GPC3: variants seen among roughly 807,000 people sequenced by gnomAD.
The protein encoded by GPC3 is glypican-3.
A neutral mutation model predicts 34.4 loss-of-function variants in GPC3; 3 were observed. The observed-to-expected ratio is 0.09, with a 90% confidence interval of 0.04 to 0.23. The LOEUF (loss-of-function observed/expected upper bound fraction) is 0.23. Among genes scored for constraint, GPC3 ranks in the 10% least tolerant of loss-of-function variants. The pLI, the probability that GPC3 is intolerant of heterozygous loss-of-function variation, is 1.00. For missense variants in GPC3, 351 were observed against 445.6 expected, an observed-to-expected ratio of 0.79 and a Z score of 1.91; for synonymous variants, 177 against 174.0, an observed-to-expected ratio of 1.02 and a Z score of -0.13.
chrX:133,643,269 T>C (rs1237674766), intron 6 of GPC3, among the ~76,000 whole-genome samples: 2 of 110,940 alleles, frequency 1.8e-5, no homozygotes, highest in African/African-American at 6.6e-5. Flanking sequence ...CAGTATGCAC[T>C]GGTCAGGAGG....
chrX:133,908,102 A>G (rs2076178282), intron 2 of GPC3, among the ~76,000 whole-genome samples: 1 of 111,545 alleles, frequency 9.0e-6, no homozygotes, highest in African/African-American at 3.3e-5. Context: ...GTTAAACCAG[A>G]CATGCAAGTC....
rs187388324 is a variant in GPC3 at position 133,751,122 on chromosome X, T to A, written c.1032+2360A>T. ...ATAAATAAATAAATAAATAAATAAA[T>A]AAAAGCACCACAGGAGGATACTTGT... is the stretch of plus-strand genomic sequence containing the variant. On this transcript the variant is annotated intron_variant, in intron 3 of 7. Transcript: ENST00000370818. 3.8e-5 allele frequency among the ~76,000 whole-genome samples: 4 copies of A among 106,544 alleles called. No individual in the cohort carries two copies. The East Asian group carries it at 1.2e-3, about 33-fold the overall frequency. 92.5% of individuals were successfully genotyped at this position (106,544 alleles called of 115,157 possible). A position where few individuals can be genotyped will look rare whatever the true frequency, so the allele number is the denominator to read the frequency against.
chrX:133,959,058 G>C (rs894303244), intron 1 of GPC3, among the ~76,000 whole-genome samples: 1 of 111,224 alleles, frequency 9.0e-6, no homozygotes, highest in Non-Finnish European at 1.9e-5. Flanking sequence ...TTTCTTCTGG[G>C]GGATTACTCC....
chrX:133,825,904 A>G (rs987373654), intron 2 of GPC3, among the ~76,000 whole-genome samples: 8 of 112,088 alleles, frequency 7.1e-5, no homozygotes, highest in African/African-American at 2.6e-4. Context: ...CAAGCATTTA[A>G]GGAAAATCTC....
At chrX:133,861,681 A>G (rs767256858) in intron 2 of GPC3, among the ~76,000 whole-genome samples, 2 of 110,936 alleles carry the variant, frequency 1.8e-5, no homozygotes, top group Non-Finnish European at 3.8e-5. Context: ...ACATCCCTCA[A>G]TGGCTTGGTG....
intron 2 of GPC3, among the ~76,000 whole-genome samples, chrX:133,873,199 G>T (rs1030504760): frequency 8.9e-6 from 1 of 111,785 alleles, no homozygotes; most frequent in African/African-American, 3.3e-5. Flanking sequence ...CTGGTTAATG[G>T]GCCCTAGAAG....
At chrX:133,886,049 T>C (rs1360657851) in intron 2 of GPC3, among the ~76,000 whole-genome samples, 1 of 111,617 alleles carries the variant, frequency 9.0e-6, no homozygotes, top group Non-Finnish European at 1.9e-5. Flanking sequence ...CAATATACCA[T>C]GAAATATGCT....
chrX:133,837,907 G>A (rs1424504354), intron 2 of GPC3, among the ~76,000 whole-genome samples: 2 of 111,565 alleles, frequency 1.8e-5, no homozygotes, highest in African/African-American at 3.3e-5. Flanking sequence ...ATATGCCAAC[G>A]TATTCTCTTA....
intron 6 of GPC3, among the ~76,000 whole-genome samples, chrX:133,650,931 C>T (rs986516195): frequency 1.8e-5 from 2 of 111,640 alleles, no homozygotes; most frequent in East Asian, 2.8e-4. Flanking sequence ...CAAGTTACTA[C>T]AAAATGACAA....
chrX:133,636,821 T>A (rs767106524), intron 6 of GPC3, among the ~76,000 whole-genome samples: 21 of 111,465 alleles, frequency 1.9e-4, no homozygotes, highest in African/African-American at 6.5e-4. Context: ...GTGATTTGCA[T>A]GGCTTCTCAC....
intron 2 of GPC3, among the ~76,000 whole-genome samples, chrX:133,940,738 T>A (rs1033831060): frequency 1.8e-5 from 2 of 112,176 alleles, no homozygotes; most frequent in African/African-American, 6.5e-5. Flanking sequence ...TGAAATAATA[T>A]GTGCATCATT....
intron 3 of GPC3, among the ~76,000 whole-genome samples, chrX:133,710,837 G>T (rs1429856875): frequency 8.9e-6 from 1 of 112,243 alleles, no homozygotes; most frequent in Non-Finnish European, 1.9e-5. Context: ...CAGAGTCTGA[G>T]CTGAAAGCAG....
chrX:133,622,050 T>G (rs5930623), intron 6 of GPC3, among the ~76,000 whole-genome samples: 2 of 110,811 alleles, frequency 1.8e-5, no homozygotes, highest in African/African-American at 6.6e-5. Flanking sequence ...GGGTCTGGAG[T>G]GGACCTCCAG....
intron 5 of GPC3, among the ~76,000 whole-genome samples, chrX:133,674,252 TGA>T (rs781552399): frequency 9.0e-6 from 1 of 110,698 alleles, no homozygotes; most frequent in Non-Finnish European, 1.9e-5. Context: ...AAGAGCTTCC[TGA>T]GAGAGAAGAA....
chrX:133,970,532 G>GA (rs34232419), intron 1 of GPC3, among the ~76,000 whole-genome samples: 14 of 103,043 alleles, frequency 1.4e-4, no homozygotes, highest in Admixed American at 3.2e-4. Context: ...TAACCAGTTA[G>GA]AAAAAAAAAA....
chrX:133,640,710 T>TG (rs2070471913), intron 6 of GPC3, among the ~76,000 whole-genome samples: 1 of 112,487 alleles, frequency 8.9e-6, no homozygotes, highest in Non-Finnish European at 1.9e-5. Flanking sequence ...CAGATGCTCC[T>TG]GTTCTCAGCT....
intron 5 of GPC3, among the ~76,000 whole-genome samples, chrX:133,665,588 C>G (rs1016428021): frequency 1.8e-5 from 2 of 112,148 alleles, no homozygotes; most frequent in African/African-American, 6.5e-5. Flanking sequence ...CATTTGATTG[C>G]ATTTCTTCTA....
intron 3 of GPC3, among the ~76,000 whole-genome samples, chrX:133,709,124 T>C (rs2071243820): frequency 8.9e-6 from 1 of 112,231 alleles, no homozygotes; most frequent in Non-Finnish European, 1.9e-5. Flanking sequence ...ATTCTCTTAA[T>C]TGAAGTGTTA....
intron 2 of GPC3, chrX:133,763,470 G>A: frequency 1.8e-6 from 1 of 542,886 alleles, no homozygotes; most frequent in Admixed American, 2.3e-5. Context: ...TGATGAAGGA[G>A]GAATTTCAAA....
Sources: gnomAD v4.1 joint callset for allele counts (sites outside exome capture counted in the v4.1 genomes callset) on GRCh38, gnomAD v4.1.1 for gene constraint, MANE v1.5 for transcripts, NCBI Gene and HGNC (gene_info 2026-07-23, HGNC 2026-07-21) for gene names.